IPO7: variants seen among roughly 807,000 people sequenced by gnomAD.
IPO7 encodes importin 7.
IPO7 carries 13 observed loss-of-function variants against 136.4 expected under a neutral mutation model. The observed-to-expected ratio is 0.10, with a 90% CI of 0.06 to 0.15. The LOEUF is 0.15. IPO7 is among the 10% of genes least tolerant of loss of function. The probability of loss-of-function intolerance (pLI) is 1.00; values close to 1 mark genes in which losing one functional copy is unlikely to be tolerated. For missense variants in IPO7, 857 were observed against 1,240.6 expected (o/e 0.69, Z 4.65); for synonymous variants, 403 against 404.4 (o/e 1.00, Z 0.04).
intron 4 of IPO7, among the ~76,000 whole-genome samples, chr11:9,411,232 A>G (rs1290192994): frequency 1.3e-5 from 2 of 152,210 alleles, no homozygotes; most frequent in Non-Finnish European, 2.9e-5. Context: ...CTGCTACATC[A>G]TTGGAATTCA....
At position 9,445,272 on chromosome 11, in the gene IPO7, A is replaced by G. The variant is rs910158905; in HGVS notation, c.*78A>G. ...CTAGTAGTGGTTCCAGAACTGGTTCATGTTATCTATTCTAAACTAATAATC... is the reference window on the plus strand; with the variant it reads ...CTAGTAGTGGTTCCAGAACTGGTTCGTGTTATCTATTCTAAACTAATAATC... On this transcript the variant is annotated 3_prime_UTR_variant, in exon 25 of 25. Coordinates refer to ENST00000379719, the MANE Select transcript of IPO7 (RefSeq NM_006391.3). 54 of 860,468 alleles carry G rather than the reference A, an allele frequency of 6.3e-5. No homozygotes were observed. The highest frequency in any genetic ancestry group is 9.5e-5 in the Non-Finnish European group (49 of 516,378). The allele number at this position is 860,468 out of a possible 1,614,324, so 53.3% of individuals were successfully genotyped here.
rs1855009374 is a variant in IPO7, at chr11:9,414,324, T to C, written c.549T>C (p.Asp183=). The change falls in exon 5 of 25, where the codon GAT becomes GAC. Residue 183 remains aspartate, a synonymous_variant. Coordinates refer to ENST00000379719, the MANE Select transcript of IPO7 (RefSeq NM_006391.3). The part of the protein sequence containing the change: ...AMQHFLPVLK[D]RFIQLLSDQS... ...AGCATTTTCTGCCAGTTCTAAAGGA[T>C]CGTTTTATCCAGCTTCTTTCTGACC... 2 of 1,613,308 alleles carry C rather than the reference T, an allele frequency of 1.2e-6. No individual in the cohort carries two copies. The highest frequency in any genetic ancestry group is 1.1e-5 in the South Asian group (1 of 91,046).
chr11:9,397,361 T>TATATATATATATATATATTA (rs377148636), intron 1 of IPO7, among the ~76,000 whole-genome samples: 611 of 41,942 alleles, frequency 0.015, 27 homozygotes, highest in East Asian at 0.02. Flanking sequence ...TATATATATA[T>TATATATATATATATATATTA]ATATTAGTCG....
rs764406867 is a variant in IPO7 at position 9,438,061 on chromosome 11, T to C, written c.2490-19T>C. 2.1e-5 allele frequency: 16 copies of C among 762,018 alleles called. No homozygotes were observed. Among genetic ancestry groups the C allele is most frequent in the Non-Finnish European group, 2.8e-5 (16 of 577,954 alleles). The allele number at this position is 762,018 out of a possible 1,614,324, so 47.2% of individuals were successfully genotyped here. ...AAGAAAACAGTTTTTTTTTTTTTTTTTTTTTTTTTTTTTTTTAGGCTTCAT... is the reference window on the plus strand; with the variant it reads ...AAGAAAACAGTTTTTTTTTTTTTTTCTTTTTTTTTTTTTTTTAGGCTTCAT... On this transcript the variant is annotated intron_variant, in intron 21 of 24. Transcript: ENST00000379719.
chr11:9,427,067 C>T (rs1293555935), intron 12 of IPO7, among the ~76,000 whole-genome samples: 2 of 152,108 alleles, frequency 1.3e-5, no homozygotes, highest in Non-Finnish European at 2.9e-5. Context: ...CCAGGCTGGT[C>T]TCAAACTCCT....
In IPO7 at chr11:9,439,650, A is replaced by C. The variant is rs535044727; in HGVS notation, c.2696-805A>C. On this transcript the variant is annotated intron_variant, in intron 22 of 24. Transcript: ENST00000379719. ...TGGAGTGCAATGGCAATCTTGGCTC[A>C]CTGCAACCTCCGACTCCCGGGTTCA... Among the ~76,000 whole-genome samples the C allele has an allele frequency of 2.0e-5, 3 of 151,800 alleles. No homozygotes were observed. In the South Asian group the frequency reaches 6.3e-4, roughly 32 times the overall value.
intron 1 of IPO7, among the ~76,000 whole-genome samples, chr11:9,400,061 G>C (rs1854771022): frequency 6.6e-6 from 1 of 152,092 alleles, no homozygotes; most frequent in Non-Finnish European, 1.5e-5. Flanking sequence ...CTTATAACCT[G>C]TACACATCCC....
rs558771771 is a variant in IPO7, at chr11:9,433,483, T to C, written c.1882-87T>C. The C allele has an allele frequency of 9.7e-6, 8 of 821,396 alleles. No individual in the cohort carries two copies. In the Admixed American group the frequency reaches 1.9e-4, roughly 19 times the overall value. The allele number at this position is 821,396 out of a possible 1,614,324, so 50.9% of individuals were successfully genotyped here. On this transcript the variant is annotated intron_variant, in intron 16 of 24. Transcript: ENST00000379719. ...TTTTTTCACAATATTGACTTTATATTTAAGTGTACTGAATTATAATATGCG... is the reference window on the plus strand; with the variant it reads ...TTTTTTCACAATATTGACTTTATATCTAAGTGTACTGAATTATAATATGCG...
chr11:9,387,290 A>T (rs1340824946), intron 1 of IPO7, among the ~76,000 whole-genome samples: 1 of 152,224 alleles, frequency 6.6e-6, no homozygotes, highest in Non-Finnish European at 1.5e-5. Flanking sequence ...TGTAAATGTT[A>T]TTAAAGTGTT....
At chr11:9,403,847 A>G (rs766555661) in intron 2 of IPO7, among the ~76,000 whole-genome samples, 9 of 152,158 alleles carry the variant, frequency 5.9e-5, no homozygotes, top group Non-Finnish European at 1.3e-4. Flanking sequence ...GTAAAAAATA[A>G]TGTAGTGTAC....
At position 9,400,947 on chromosome 11, in the gene IPO7, C is replaced by T. The variant is rs563574629; in HGVS notation, c.85-2343C>T. ...CTGTAATCCCAGCACTTCAGGAAGC[C>T]GAGGCGGGTGGATCACCTGCAGTCA... is the stretch of plus-strand genomic sequence containing the variant. On this transcript the variant is annotated intron_variant, in intron 1 of 24. Transcript: ENST00000379719. Among the ~76,000 whole-genome samples, 6 of 151,348 alleles carry T rather than the reference C, an allele frequency of 4.0e-5. No homozygotes were observed. The East Asian group carries it at 6.0e-4, about 15-fold the overall frequency.
At chr11:9,396,377 C>T (rs987812664) in intron 1 of IPO7, among the ~76,000 whole-genome samples, 1 of 152,148 alleles carries the variant, frequency 6.6e-6, no homozygotes, top group Non-Finnish European at 1.5e-5. Flanking sequence ...GCCAGGGAGA[C>T]AAAGCGAGAC....
intron 4 of IPO7, among the ~76,000 whole-genome samples, chr11:9,411,781 G>A (rs1854971337): frequency 6.6e-6 from 1 of 152,074 alleles, no homozygotes. Context: ...GAATGTTCAG[G>A]TCTTACAGGG....
At chr11:9,412,645 G>A (rs763004030) in intron 4 of IPO7, among the ~76,000 whole-genome samples, 4 of 152,000 alleles carry the variant, frequency 2.6e-5, no homozygotes, top group Admixed American at 6.6e-5. Context: ...GTGGAACCCC[G>A]TCTCTCCCCT....
chr11:9,401,896 C>T (rs1854801779), intron 1 of IPO7, among the ~76,000 whole-genome samples: 1 of 152,172 alleles, frequency 6.6e-6, no homozygotes, highest in Non-Finnish European at 1.5e-5. Flanking sequence ...ACATTATTAC[C>T]ACCTTGGACA....
Position 9,413,371 on chromosome 11 carries a change from A to C in IPO7, c.480-884A>C, listed in dbSNP as rs183185212. Among the ~76,000 whole-genome samples, 1,334 of 152,266 alleles carry C rather than the reference A, an allele frequency of 8.8e-3. 12 individuals carry two copies. The highest frequency in any genetic ancestry group is 0.012 in the Non-Finnish European group (849 of 68,028). The stretch of plus-strand genomic sequence containing the variant: ...AAATAAAATATTTTCTGCTTTATAC[A>C]TACCATTTCTGCTTTAATGCTGTTG... On this transcript the variant is annotated intron_variant, in intron 4 of 24. Transcript: ENST00000379719.
chr11:9,424,818 A>G, intron 10 of IPO7, 96 bp from the exon 11 acceptor site: 1 of 793,032 alleles, frequency 1.3e-6, no homozygotes, highest in South Asian at 1.6e-5. Flanking sequence ...GGGATCTGGG[A>G]TCATTTTCAT....
At chr11:9,397,365 T>TATATATATATA (rs1564992067) in intron 1 of IPO7, among the ~76,000 whole-genome samples, 28 of 94,730 alleles carry the variant, frequency 3.0e-4, no homozygotes, top group Admixed American at 5.3e-4. Context: ...TATATATATA[T>TATATATATATA]TAGTCGGGCA....
chr11:9,388,524 G>A (rs759150818), intron 1 of IPO7, among the ~76,000 whole-genome samples: 3 of 152,058 alleles, frequency 2.0e-5, no homozygotes, highest in Non-Finnish European at 4.4e-5. Flanking sequence ...CATCACCCAG[G>A]CTGGAGTGCA....
Sources: gnomAD v4.1 joint callset for allele counts (sites outside exome capture counted in the v4.1 genomes callset) on GRCh38, gnomAD v4.1.1 for gene constraint, MANE v1.5 for transcripts, NCBI Gene and HGNC (gene_info 2026-07-23, HGNC 2026-07-21) for gene names.